Variants in RNF157 observed in about 807,000 individuals in gnomAD.
RNF157 encodes the protein ring finger protein 157, also known as E3 ubiquitin ligase RNF157.
Under a neutral mutation model 88.3 loss-of-function variants are expected in RNF157, and 55 were observed. The observed-to-expected ratio is 0.62, with a 90% CI of 0.50 to 0.78. The LOEUF (loss-of-function observed/expected upper bound fraction) is 0.78, where lower values mean the gene tolerates loss of function less well. RNF157 is among the 30% of genes least tolerant of loss of function. The pLI is 0.00. For synonymous variants in RNF157, 334 were observed against 341.2 expected (o/e 0.98, Z 0.23); for missense variants, 788 against 860.8 (o/e 0.92, Z 1.06).
At chr17:76,230,040 C>A (rs543562069) in intron 1 of RNF157, among the ~76,000 whole-genome samples, 7 of 152,190 alleles carry the variant, frequency 4.6e-5, no homozygotes, top group Admixed American at 4.6e-4. Flanking sequence ...TAGTAAAATC[C>A]ATATTCTGAA....
chr17:76,155,492 T>C, intron 15 of RNF157, 70 bp downstream of exon 15: 2 of 1,565,254 alleles, frequency 1.3e-6, no homozygotes, highest in Non-Finnish European at 1.7e-6. Flanking sequence ...TGGCAGACCT[T>C]TGGTTATGCT....
chr17:76,220,668 T>C (rs1012227926), intron 1 of RNF157, among the ~76,000 whole-genome samples: 2 of 151,764 alleles, frequency 1.3e-5, no homozygotes, highest in Non-Finnish European at 2.9e-5. Flanking sequence ...TTTTTTTTTT[T>C]AGTTAGCTGG....
At chr17:76,147,420 C>A (rs2068602106) in intron 18 of RNF157, 11 of 828,920 alleles carry the variant, frequency 1.3e-5, no homozygotes, top group Non-Finnish European at 1.6e-5. Context: ...CCACCACCAG[C>A]AAGCCATGGA....
chr17:76,167,949 A>G, intron 3 of RNF157, 152 bp from the exon 4 acceptor site: 1 of 760,694 alleles, frequency 1.3e-6, no homozygotes. Context: ...GTGCTTCATG[A>G]CCCATGTTGC....
intron 2 of RNF157, among the ~76,000 whole-genome samples, chr17:76,183,523 G>A (rs1285056305): frequency 1.3e-5 from 2 of 151,852 alleles, no homozygotes; most frequent in East Asian, 3.9e-4. Flanking sequence ...GCTATTCACT[G>A]TGACCATAGT....
chr17:76,214,537 C>T (rs1481930720), intron 1 of RNF157, among the ~76,000 whole-genome samples: 4 of 152,096 alleles, frequency 2.6e-5, no homozygotes, highest in Non-Finnish European at 5.9e-5. Context: ...CAGGAAAATA[C>T]GAATTTAGAT....
intron 8 of RNF157, 124 bp downstream of exon 8, chr17:76,164,624 A>G (rs2068894216): frequency 5.9e-6 from 3 of 507,442 alleles, no homozygotes; most frequent in South Asian, 4.1e-5. Flanking sequence ...AAAAAAAAAA[A>G]GAGGAAAAGG....
At chr17:76,210,452 T>TCC (rs1568065841) in intron 2 of RNF157, among the ~76,000 whole-genome samples, 1 of 150,402 alleles carries the variant, frequency 6.6e-6, no homozygotes, top group Admixed American at 6.6e-5. Flanking sequence ...TAGCCGGGTG[T>TCC]AGTGGCGGGT....
chr17:76,155,830 TGA>T, intron 14 of RNF157, 96 bp from the exon 15 acceptor site: 1 of 1,140,890 alleles, frequency 8.8e-7, no homozygotes, highest in Middle Eastern at 3.0e-4. Context: ...ATTCAGGCAT[TGA>T]GGAGTGAAGT....
At chr17:76,155,776 C>A (rs1375364074) in intron 14 of RNF157, 42 bp from the exon 15 acceptor site, 1 of 1,472,290 alleles carries the variant, frequency 6.8e-7, no homozygotes, top group South Asian at 1.4e-5. Context: ...GGAGGTCAGG[C>A]AGGGCTTCTG....
chr17:76,154,977 T>C (rs181796451), intron 16 of RNF157, among the ~76,000 whole-genome samples: 37 of 152,318 alleles, frequency 2.4e-4, no homozygotes, highest in African/African-American at 7.9e-4. Context: ...CAATATATTC[T>C]CAAGGCCAGG....
chr17:76,162,967 T>C (rs923551604), intron 8 of RNF157: 1 of 172,400 alleles, frequency 5.8e-6, no homozygotes, highest in African/African-American at 2.4e-5. Context: ...AATCTAGGCA[T>C]TTGCTATATA....
At chr17:76,166,741 A>AT (rs568662758) in intron 5 of RNF157, among the ~76,000 whole-genome samples, 15 of 150,416 alleles carry the variant, frequency 1.0e-4, no homozygotes, top group African/African-American at 2.0e-4. Context: ...TAACCTATAG[A>AT]TTTTTTTTTT....
intron 2 of RNF157, among the ~76,000 whole-genome samples, chr17:76,181,928 A>G: frequency 6.6e-6 from 1 of 151,550 alleles, no homozygotes; most frequent in Non-Finnish European, 1.5e-5. Flanking sequence ...AAAAAAAAGA[A>G]TAAATAAATA....
intron 2 of RNF157, among the ~76,000 whole-genome samples, chr17:76,190,259 C>T (rs990815210): frequency 2.6e-5 from 4 of 151,800 alleles, no homozygotes; most frequent in Admixed American, 2.0e-4. Flanking sequence ...TTCCACCTCC[C>T]GGGTTCAAGT....
chr17:76,208,291 G>A (rs2069716659), intron 2 of RNF157, among the ~76,000 whole-genome samples: 1 of 152,190 alleles, frequency 6.6e-6, no homozygotes, highest in Admixed American at 6.6e-5. Flanking sequence ...CTCACAAACA[G>A]GATGTGGGCA....
At chr17:76,206,368 C>A (rs1173932226) in intron 2 of RNF157, among the ~76,000 whole-genome samples, 1 of 152,212 alleles carries the variant, frequency 6.6e-6, no homozygotes, top group Non-Finnish European at 1.5e-5. Context: ...GCAACACCAG[C>A]TCTTCTGCCA....
At position 76,160,935 on chromosome 17, in the gene RNF157, AGT is replaced by A. The variant is rs2144834533; in HGVS notation, c.1065+598_1065+599del. 6.6e-6 allele frequency among the ~76,000 whole-genome samples: 1 copy of A among 152,346 alleles called. No homozygotes were observed. Among genetic ancestry groups the A allele is most frequent in the East Asian group, 1.9e-4 (1 of 5,186 alleles). The stretch of plus-strand genomic sequence containing the variant: ...TCCAGCTGGAATTTATTTGGTAAGG[AGT>A]AAAGTGCTAAACTAATTTTTCCTCC... On this transcript the variant is annotated intron_variant, in intron 11 of 18. Transcript: ENST00000269391. This position sits in a 1 kb window ranked among gnomAD's most constrained non-coding sequence, Gnocchi z 4.3.
intron 16 of RNF157, chr17:76,154,544 A>G (rs564730930): frequency 5.3e-6 from 3 of 563,360 alleles, no homozygotes; most frequent in African/African-American, 3.8e-5. Flanking sequence ...TCCGAGCCAC[A>G]TTACCCATAT....
Sources: allele counts gnomAD v4.1 joint callset (sites outside exome capture counted in the v4.1 genomes callset), GRCh38; gene constraint gnomAD v4.1.1; non-coding constraint Gnocchi (gnomAD v3.1); transcripts MANE v1.5; gene names NCBI Gene and HGNC (gene_info 2026-07-23, HGNC 2026-07-21).